JMJD1C: variants seen among roughly 807,000 people sequenced by gnomAD.
JMJD1C encodes the protein jumonji domain containing 1C.
JMJD1C carries 31 observed loss-of-function variants against 245.3 expected under a neutral mutation model. The observed-to-expected ratio is 0.13, with a 90% confidence interval of 0.09 to 0.17. The LOEUF is 0.17. JMJD1C is among the 10% of genes least tolerant of loss of function. The pLI is 1.00. For missense variants in JMJD1C, 2,691 were observed against 3,000.2 expected (o/e 0.90, Z 2.41); for synonymous variants, 1,057 against 1,017.4 (o/e 1.04, Z -0.74).
At chr10:63,478,611 G>A (rs1564960250) in intron 1 of JMJD1C, among the ~76,000 whole-genome samples, 1 of 152,144 alleles carries the variant, frequency 6.6e-6, no homozygotes, top group East Asian at 1.9e-4. Flanking sequence ...AAAGGGAAGA[G>A]GGGCATAGGA....
At chr10:63,252,498 A>C (rs967475661) in intron 3 of JMJD1C, among the ~76,000 whole-genome samples, 2 of 152,186 alleles carry the variant, frequency 1.3e-5, no homozygotes, top group Admixed American at 1.3e-4. Flanking sequence ...CTGCAGCAGC[A>C]AGTCTTGCCT....
At chr10:63,293,728 G>A (rs1859043070) in intron 2 of JMJD1C, among the ~76,000 whole-genome samples, 1 of 151,902 alleles carries the variant, frequency 6.6e-6, no homozygotes, top group African/African-American at 2.4e-5. Context: ...TAACCTATAA[G>A]AGGCTTATTT....
Position 63,419,076 on chromosome 10 carries a change from C to CAAA in JMJD1C, c.169-38597_169-38595dup, listed in dbSNP as rs34710445. Among the ~76,000 whole-genome samples the CAAA allele has an allele frequency of 1.4e-3, 142 of 103,380 alleles. 1 individual carries two copies. The highest frequency in any genetic ancestry group is 4.8e-3 in the Admixed American group (46 of 9,590). 67.8% of individuals were successfully genotyped at this position (103,380 alleles called of 152,430 possible). ...TGGGCAACAGAGTGAGACTCCATCT[C>CAAA]AAAAAAAAAAAAAAAAATCTAGATA... On this transcript the variant is annotated intron_variant, in intron 1 of 25. Coordinates refer to ENST00000399262, the MANE Select transcript of JMJD1C (RefSeq NM_032776.3).
In JMJD1C at chr10:63,269,819, A is replaced by G. The variant is rs192224097; in HGVS notation, c.334-5055T>C. Among the ~76,000 whole-genome samples the G allele has an allele frequency of 9.8e-5, 15 of 152,328 alleles. No homozygotes were observed. In the East Asian group the frequency reaches 2.9e-3, roughly 29 times the overall value. On this transcript the variant is annotated intron_variant, in intron 2 of 25. Transcript: ENST00000399262. ...TGAAAGCATAAAATGCATTTCTCAG[A>G]TGTGTTATATAATATAGTCTCTTAA...
upstream of JMJD1C, among the ~76,000 whole-genome samples, chr10:63,468,484 CTT>C (rs1350644096): frequency 1.3e-5 from 2 of 152,220 alleles, no homozygotes; most frequent in African/African-American, 2.4e-5. Context: ...GGTTTTGAAA[CTT>C]CAGAATATTT....
At chr10:63,521,697 CG>C in intron 1 of JMJD1C, 1 of 629,008 alleles carries the variant, frequency 1.6e-6, no homozygotes. Flanking sequence ...AGCCCGGCCT[CG>C]GGCCTGCCGA....
intron 2 of JMJD1C, among the ~76,000 whole-genome samples, chr10:63,330,397 A>G (rs1236382485): frequency 1.3e-5 from 2 of 152,208 alleles, no homozygotes; most frequent in Non-Finnish European, 2.9e-5. Flanking sequence ...AGAAAATGGT[A>G]TCTTTCTAGT....
At chr10:63,372,058 T>G (rs1946361114) in intron 2 of JMJD1C, among the ~76,000 whole-genome samples, 1 of 152,228 alleles carries the variant, frequency 6.6e-6, no homozygotes, top group African/African-American at 2.4e-5. Flanking sequence ...AAACCAACTT[T>G]GATAACTGCT....
Position 63,206,717 on chromosome 10 carries a change from T to C in JMJD1C, c.4952A>G (p.Lys1651Arg). Reference sequence around the variant, plus strand: ...CTTTTGCAAATCATTTTGCTTCTTTTTGTAAGTTGGCTTAGGTTGTCTTTT... The same window carrying C: ...CTTTTGCAAATCATTTTGCTTCTTTCTGTAAGTTGGCTTAGGTTGTCTTTT... ...RTKRQPKPTY[K>R]KKQNDLQKRK... The change falls in exon 10 of 26, where the codon AAA becomes AGA. Residue 1651 changes from lysine to arginine, a missense_variant. Lys to Arg is a conservative substitution (Grantham distance 26, BLOSUM62 2). Transcript: ENST00000399262. 2 of 1,613,982 alleles carry C rather than the reference T, an allele frequency of 1.2e-6. No homozygotes were observed. The highest frequency in any genetic ancestry group is 1.7e-6 in the Non-Finnish European group (2 of 1,179,970).
intron 8 of JMJD1C, among the ~76,000 whole-genome samples, chr10:63,210,064 G>C (rs1332985470): frequency 6.6e-6 from 1 of 152,118 alleles, no homozygotes; most frequent in African/African-American, 2.4e-5. Flanking sequence ...TGCAAAAGCA[G>C]TATGTCACAC....
chr10:63,415,022 T>C (rs1949720554), intron 1 of JMJD1C, among the ~76,000 whole-genome samples: 1 of 152,060 alleles, frequency 6.6e-6, no homozygotes, highest in Admixed American at 6.6e-5. Flanking sequence ...TGAATTTAAG[T>C]GCATTTTTGC....
chr10:63,314,949 C>CTTTT (rs201119978), intron 2 of JMJD1C, among the ~76,000 whole-genome samples: 23 of 118,644 alleles, frequency 1.9e-4, no homozygotes, highest in Admixed American at 3.6e-4. Context: ...TGTGCCCAGC[C>CTTTT]TTTTTTGTTT....
chr10:63,430,282 G>T lies in JMJD1C; in HGVS notation c.168+35213C>A, dbSNP rs9415708. ...AGAATATCTTTGTGACATTGAGTTGGGCAATGGTTTCTTAGATGTGACACC... is the reference window on the plus strand; with the variant it reads ...AGAATATCTTTGTGACATTGAGTTGTGCAATGGTTTCTTAGATGTGACACC... On this transcript the variant is annotated intron_variant, in intron 1 of 25. Transcript: ENST00000399262. Among the ~76,000 whole-genome samples, 3 of 152,154 alleles carry T rather than the reference G, an allele frequency of 2.0e-5. No homozygotes were observed. In the South Asian group the frequency reaches 6.2e-4, roughly 32 times the overall value.
chr10:63,476,903 A>T (rs184316626), intron 1 of JMJD1C, among the ~76,000 whole-genome samples: 1 of 152,278 alleles, frequency 6.6e-6, no homozygotes, highest in East Asian at 1.9e-4. Context: ...AAGAGGGGAA[A>T]ATATGCAAAC....
In JMJD1C at chr10:63,214,781, A is replaced by C. The variant is rs1401781699; in HGVS notation, c.1386T>G (p.Ile462Met). ...VDTQLQEDMI[I>M]HSSEQSTVSD... ...AAACTGTGGACTGTTCTGACGAATGAATAATCATATCTTCTTGAAGCTGAG... is the reference window on the plus strand; with the variant it reads ...AAACTGTGGACTGTTCTGACGAATGCATAATCATATCTTCTTGAAGCTGAG... The change falls in exon 8 of 26, where the codon ATT becomes ATG. Residue 462 changes from isoleucine (I) to methionine (M), a missense_variant. Around this residue, in one of 9 missense-constraint regions of JMJD1C, gnomAD observed 1,562 missense variants for 1,490.7 expected, o/e 1.05. Coordinates refer to ENST00000399262, the MANE Select transcript of JMJD1C (RefSeq NM_032776.3). 3 of 1,613,656 alleles carry C rather than the reference A, an allele frequency of 1.9e-6. No homozygotes were observed. Among genetic ancestry groups the C allele is most frequent in the Non-Finnish European group, 2.5e-6 (3 of 1,179,726 alleles).
chr10:63,331,391 G>A (rs1015715453), intron 2 of JMJD1C, among the ~76,000 whole-genome samples: 1 of 152,104 alleles, frequency 6.6e-6, no homozygotes, highest in African/African-American at 2.4e-5. Context: ...ATGTGAAACT[G>A]CACAATTAGA....
intron 3 of JMJD1C, among the ~76,000 whole-genome samples, chr10:63,247,127 AAAAC>A (rs1367328564): frequency 6.6e-5 from 10 of 151,276 alleles, no homozygotes; most frequent in South Asian, 2.1e-4. Flanking sequence ...CAAAAACAAA[AAAAC>A]AAAAAACAGA....
chr10:63,368,752 T>G (rs1946061580), intron 2 of JMJD1C, among the ~76,000 whole-genome samples: 1 of 152,080 alleles, frequency 6.6e-6, no homozygotes, highest in Non-Finnish European at 1.5e-5. Flanking sequence ...AGTCTCATGA[T>G]CTCAGCTCAC....
In JMJD1C at chr10:63,216,756, T is replaced by C. The variant is rs546585261; in HGVS notation, c.678+451A>G. On this transcript the variant is annotated intron_variant, in intron 5 of 25. Transcript: ENST00000399262. ...AAACAAAAACTCCATAGGAAACTTG[T>C]AATCCTTAAGATTCACCATAAAACT... Among the ~76,000 whole-genome samples the C allele has an allele frequency of 3.9e-5, 6 of 152,246 alleles. No individual in the cohort carries two copies. In the East Asian group the frequency reaches 7.7e-4, roughly 20 times the overall value.
Sources: allele counts gnomAD v4.1 joint callset (sites outside exome capture counted in the v4.1 genomes callset), GRCh38; gene constraint gnomAD v4.1.1; regional missense constraint gnomAD v4.1.1; transcripts MANE v1.5; gene names NCBI Gene and HGNC (gene_info 2026-07-23, HGNC 2026-07-21).